The following DSCAM variants were observed in gnomAD, a reference collection of about 807,000 sequenced individuals.
DSCAM encodes DS cell adhesion molecule, also known as cell adhesion molecule DSCAM.
Under a neutral mutation model 217.7 loss-of-function variants are expected in DSCAM, and 47 were observed. The observed-to-expected ratio is 0.22, with a 90% confidence interval of 0.17 to 0.28. The LOEUF is 0.28. Among genes scored for constraint, DSCAM ranks in the 10% least tolerant of loss-of-function variants. DSCAM has a pLI of 1.00. For synonymous variants in DSCAM, 1,056 were observed against 1,015.3 expected, an observed-to-expected ratio of 1.04 and a Z score of -0.76; for missense variants, 2,080 against 2,618.3, an observed-to-expected ratio of 0.79 and a Z score of 4.49.
chr21:40,489,835 C>G (rs2076062126), intron 3 of DSCAM, among the ~76,000 whole-genome samples: 1 of 148,422 alleles, frequency 6.7e-6, no homozygotes, highest in Admixed American at 6.7e-5. Flanking sequence ...CCAGAGAACC[C>G]TAAGACATCT....
intron 3 of DSCAM, among the ~76,000 whole-genome samples, chr21:40,511,272 C>T (rs924938232): frequency 1.3e-5 from 2 of 152,100 alleles, no homozygotes; most frequent in Non-Finnish European, 2.9e-5. Flanking sequence ...AATTTTGCCA[C>T]AGCCCTCAAG....
intron 3 of DSCAM, among the ~76,000 whole-genome samples, chr21:40,493,399 T>G (rs2076091586): frequency 6.6e-6 from 1 of 152,142 alleles, no homozygotes; most frequent in Non-Finnish European, 1.5e-5. Flanking sequence ...AAACTCAGTC[T>G]AAGTAAGTAA....
chr21:40,530,773 C>T (rs1482828805), intron 3 of DSCAM, among the ~76,000 whole-genome samples: 5 of 152,136 alleles, frequency 3.3e-5, no homozygotes, highest in South Asian at 2.1e-4. Context: ...CCCCATCGCT[C>T]GATAAGGGAG....
intron 11 of DSCAM, among the ~76,000 whole-genome samples, chr21:40,238,756 T>C (rs1359877200): frequency 6.6e-6 from 1 of 152,170 alleles, no homozygotes; most frequent in Non-Finnish European, 1.5e-5. Flanking sequence ...CAACTATTCT[T>C]TTTGGTGACA....
chr21:40,517,948 G>A (rs539126655), intron 3 of DSCAM, among the ~76,000 whole-genome samples: 1 of 152,052 alleles, frequency 6.6e-6, no homozygotes, highest in Non-Finnish European at 1.5e-5. Flanking sequence ...ATGGCTCTGA[G>A]TATGAGCTTT....
chr21:40,687,004 C>T (rs760302461), intron 3 of DSCAM, among the ~76,000 whole-genome samples: 1 of 152,214 alleles, frequency 6.6e-6, no homozygotes, highest in Non-Finnish European at 1.5e-5. Context: ...ATGGTAAAAA[C>T]ATGACATCTC....
chr21:40,182,614 G>GGAGGGAGGTACCAGAGA (rs1568986371), intron 14 of DSCAM, among the ~76,000 whole-genome samples: 19 of 136,162 alleles, frequency 1.4e-4, no homozygotes, highest in African/African-American at 5.8e-4. Context: ...ACCGTGGACA[G>GGAGGGAGGTACCAGAGA]AACGGGCCAC....
intron 3 of DSCAM, among the ~76,000 whole-genome samples, chr21:40,369,699 C>T (rs1025974198): frequency 1.3e-5 from 2 of 151,836 alleles, no homozygotes; most frequent in African/African-American, 4.8e-5. Context: ...TAAACTTTTG[C>T]CTCAGTTTAA....
intron 3 of DSCAM, among the ~76,000 whole-genome samples, chr21:40,439,583 T>C (rs1444374630): frequency 6.6e-6 from 1 of 152,224 alleles, no homozygotes; most frequent in Non-Finnish European, 1.5e-5. Flanking sequence ...TGCCTAGCCA[T>C]GCTAAAGCCC....
chr21:40,064,595 CGTTTGGGT>C, intron 27 of DSCAM, among the ~76,000 whole-genome samples: 1 of 152,124 alleles, frequency 6.6e-6, no homozygotes, highest in East Asian at 1.9e-4. Flanking sequence ...AAGGGTTGAC[CGTTTGGGT>C]CAACCCTTCC....
At chr21:40,673,197 T>G (rs79738172) in intron 3 of DSCAM, among the ~76,000 whole-genome samples, 2,148 of 152,236 alleles carry the variant, frequency 0.014, 45 homozygotes, top group African/African-American at 0.048. Flanking sequence ...GTTGGTTGCC[T>G]CTTGTTCCAT....
chr21:40,385,292 A>G (rs930623751), intron 3 of DSCAM: 1 of 152,232 alleles, frequency 6.6e-6, no homozygotes, highest in African/African-American at 2.4e-5. Flanking sequence ...ATGAAAATAA[A>G]GTATATTTTA....
intron 1 of DSCAM, among the ~76,000 whole-genome samples, chr21:40,802,294 T>G (rs1378717930): frequency 2.0e-5 from 3 of 152,180 alleles, no homozygotes; most frequent in East Asian, 3.8e-4. Flanking sequence ...ATTTATCACT[T>G]TGAAAATAGA....
chr21:40,701,195 AGTTT>A (rs969959319), intron 2 of DSCAM, among the ~76,000 whole-genome samples: 3 of 152,272 alleles, frequency 2.0e-5, no homozygotes, highest in African/African-American at 4.8e-5. Flanking sequence ...GAGTCTTGAT[AGTTT>A]GTGTTTCTCA....
chr21:40,531,091 C>A (rs555321451), intron 3 of DSCAM, among the ~76,000 whole-genome samples: 2 of 152,312 alleles, frequency 1.3e-5, no homozygotes, highest in African/African-American at 2.4e-5. Context: ...AGAGTTTACA[C>A]TGAAAACGTG....
chr21:40,845,999 G>GT (rs71332311), intron 1 of DSCAM, among the ~76,000 whole-genome samples: 3,220 of 141,522 alleles, frequency 0.023, 76 homozygotes, highest in Admixed American at 0.075. Context: ...CTATACAGGT[G>GT]TTTTTTTTTT....
At chr21:40,228,672 A>G (rs1274216983) in intron 11 of DSCAM, among the ~76,000 whole-genome samples, 2 of 81,988 alleles carry the variant, frequency 2.4e-5, no homozygotes, top group Non-Finnish European at 2.6e-5. Flanking sequence ...GTACTTCTTT[A>G]TTTTCTAACT....
At chr21:40,280,562 T>C (rs2073747026) in intron 10 of DSCAM, among the ~76,000 whole-genome samples, 1 of 152,172 alleles carries the variant, frequency 6.6e-6, no homozygotes. Context: ...TGAAAGCTAT[T>C]TACTAGTTTA....
chr21:40,817,097 TTG>T (rs2091887265), intron 1 of DSCAM, among the ~76,000 whole-genome samples: 2 of 152,030 alleles, frequency 1.3e-5, no homozygotes, highest in African/African-American at 2.4e-5. Context: ...TTTTTTTTTT[TTG>T]GTGCCAACAA....
Sources: allele counts gnomAD v4.1 joint callset (sites outside exome capture counted in the v4.1 genomes callset), GRCh38; gene constraint gnomAD v4.1.1; transcripts MANE v1.5; gene names NCBI Gene and HGNC (gene_info 2026-07-23, HGNC 2026-07-21).